RAPGEF2: variants seen among roughly 807,000 people sequenced by gnomAD.
RAPGEF2 encodes the protein PDZ domain containing guanine nucleotide exchange factor (GEF) 1.
RAPGEF2 carries 54 observed loss-of-function variants against 186.7 expected under a neutral mutation model. That is an observed-to-expected ratio of 0.29 (90% CI 0.23 to 0.36). The LOEUF (loss-of-function observed/expected upper bound fraction) is 0.36, where lower values mean the gene tolerates loss of function less well. RAPGEF2 is among the 10% of genes least tolerant of loss of function. The pLI is 1.00. For synonymous variants in RAPGEF2, 712 were observed against 705.9 expected, an observed-to-expected ratio of 1.01 and a Z score of -0.14; for missense variants, 1,532 against 2,045.0, an observed-to-expected ratio of 0.75 and a Z score of 4.84.
intron 1 of RAPGEF2, among the ~76,000 whole-genome samples, chr4:159,117,634 C>G (rs768641310): frequency 6.6e-6 from 1 of 151,386 alleles, no homozygotes; most frequent in African/African-American, 2.4e-5. Flanking sequence ...TAATTGTATG[C>G]ATAGAATACT....
At position 159,104,110 on chromosome 4, in the gene RAPGEF2, G is replaced by C. The variant is rs955977733; in HGVS notation, c.-53G>C. 3.5e-5 allele frequency: 45 copies of C among 1,293,284 alleles called. No homozygotes were observed. The Admixed American group carries it at 7.3e-4, about 21-fold the overall frequency. 80.1% of individuals were successfully genotyped at this position (1,293,284 alleles called of 1,614,324 possible). A position where few individuals can be genotyped will look rare whatever the true frequency, so the allele number is the denominator to read the frequency against. ...GCGGAGGCAGCAGCGGCGCTGGGCC[G>C]GGAGGAGGCCGGCCAGGGTGCGGAG... On this transcript the variant is annotated 5_prime_UTR_variant, in exon 1 of 30. Transcript: ENST00000691494.
chr4:159,338,748 C>G (rs1579999706), intron 18 of RAPGEF2, among the ~76,000 whole-genome samples: 1 of 152,326 alleles, frequency 6.6e-6, no homozygotes, highest in African/African-American at 2.4e-5. Context: ...ATTACTAAAT[C>G]ATATCAAATA....
intron 3 of RAPGEF2, 71 bp from the exon 4 acceptor site, chr4:159,210,429 T>C: frequency 1.0e-6 from 1 of 1,000,306 alleles, no homozygotes; most frequent in Non-Finnish European, 1.5e-6. Flanking sequence ...CTGCACTTTG[T>C]GCTATATGTT....
Position 159,210,528 on chromosome 4 carries a change from A to G in RAPGEF2, c.226A>G (p.Ile76Val). 1 of 1,534,908 alleles carries G rather than the reference A, an allele frequency of 6.5e-7. No individual in the cohort carries two copies. The highest frequency in any genetic ancestry group is 8.7e-7 in the Non-Finnish European group (1 of 1,145,946). Residue 76 changes from isoleucine to valine, a missense_variant, in exon 4 of 30, where the codon ATC (isoleucine) becomes GTC (valine). Ile to Val is a conservative substitution (Grantham distance 29). Transcript: ENST00000691494. ...TGATGATATTGGGACCTGCTGGTATATCCTTCTTTCTGGTTCCGTGTTCAT... is the reference window on the plus strand; with the variant it reads ...TGATGATATTGGGACCTGCTGGTATGTCCTTCTTTCTGGTTCCGTGTTCAT... ...YPDDIGTCWY[I>V]LLSGSVFIKE... is the part of the protein sequence containing the mutation.
chr4:159,344,016 T>G lies in RAPGEF2; in HGVS notation c.3255-20T>G. The G allele has an allele frequency of 6.5e-7, 1 of 1,530,684 alleles. No homozygotes were observed. The allele number at this position is 1,530,684 out of a possible 1,614,324, so 94.8% of individuals were successfully genotyped here. ...CTCTTTCTACACCCATGCTTCAATC[T>G]CCATGGCTCTCACTTACAGGAAGAA... On this transcript the variant is annotated intron_variant, in intron 22 of 29. Transcript: ENST00000691494.
intron 3 of RAPGEF2, among the ~76,000 whole-genome samples, chr4:159,202,684 C>T (rs978026378): frequency 1.3e-5 from 2 of 152,204 alleles, no homozygotes; most frequent in African/African-American, 4.8e-5. Context: ...CCACTGCAAC[C>T]TCCGCCTCCT....
Position 159,339,109 on chromosome 4 carries a change from C to T in RAPGEF2, c.2294-5C>T. 6.2e-7 allele frequency: 1 copy of T among 1,610,074 alleles called. No homozygotes were observed. The highest frequency in any genetic ancestry group is 8.5e-7 in the Non-Finnish European group (1 of 1,177,134). ...ACTTATGTGTGTGATTTTTCTTTCC[C>T]CCAGACTTGCCAGATCAAGTGCTAA... On this transcript the variant is annotated splice_region_variant and splice_polypyrimidine_tract_variant and intron_variant, in intron 18 of 29. Coordinates refer to ENST00000691494, the MANE Select transcript of RAPGEF2 (RefSeq NM_001394067.2).
At chr4:159,114,812 T>C (rs1038422965) in intron 1 of RAPGEF2, among the ~76,000 whole-genome samples, 1 of 152,180 alleles carries the variant, frequency 6.6e-6, no homozygotes. Context: ...TTAAAAATTC[T>C]TTAAATGGTT....
At chr4:159,283,109 C>CA (rs1441764021) in intron 7 of RAPGEF2, among the ~76,000 whole-genome samples, 1 of 152,140 alleles carries the variant, frequency 6.6e-6, no homozygotes, top group East Asian at 1.9e-4. Context: ...ACTGGGAAAA[C>CA]AAGCTCTTAA....
At chr4:159,169,874 A>G (rs1395264689) in intron 1 of RAPGEF2, among the ~76,000 whole-genome samples, 2 of 152,162 alleles carry the variant, frequency 1.3e-5, no homozygotes, top group Non-Finnish European at 2.9e-5. Flanking sequence ...GGTGCAGTGA[A>G]CATGGGAGTG....
At chr4:159,310,615 G>A (rs1384983691) in intron 8 of RAPGEF2, among the ~76,000 whole-genome samples, 1 of 151,462 alleles carries the variant, frequency 6.6e-6, no homozygotes, top group Admixed American at 6.6e-5. Flanking sequence ...TTTCAGCATT[G>A]ATCTGAGAAT....
At chr4:159,213,781 TA>T in intron 4 of RAPGEF2, among the ~76,000 whole-genome samples, 1 of 152,262 alleles carries the variant, frequency 6.6e-6, no homozygotes, top group Admixed American at 6.5e-5. Flanking sequence ...TTGTAGAGCT[TA>T]TGAATTCCTA....
chr4:159,304,256 A>T, intron 7 of RAPGEF2, 86 bp from the exon 8 acceptor site: 1 of 1,277,932 alleles, frequency 7.8e-7, no homozygotes, highest in Non-Finnish European at 1.1e-6. Flanking sequence ...ATGGTATAGA[A>T]TAAAATATGA....
At chr4:159,238,782 A>G in intron 4 of RAPGEF2, 27 bp from the exon 5 acceptor site, 1 of 1,496,596 alleles carries the variant, frequency 6.7e-7, no homozygotes, top group Non-Finnish European at 8.9e-7. Context: ...GGTTCTCCTC[A>G]TTGATTTTTT....
At chr4:159,169,434 T>C (rs1030534357) in intron 1 of RAPGEF2, among the ~76,000 whole-genome samples, 3 of 152,236 alleles carry the variant, frequency 2.0e-5, no homozygotes, top group African/African-American at 7.2e-5. Flanking sequence ...CCTCAACTTA[T>C]TTTTTGTGGT....
rs1397697487 is a variant in RAPGEF2, at chr4:159,358,390, G to C, written c.*251G>C. On this transcript the variant is annotated 3_prime_UTR_variant, in exon 30 of 30. Coordinates refer to ENST00000691494, the MANE Select transcript of RAPGEF2 (RefSeq NM_001394067.2). ...AAATGCACAGTGCAGCAATCTTCGA[G>C]CTCCCACTGTTGCTGCCTGCCACAT... is the stretch of plus-strand genomic sequence containing the variant. 3 of 423,190 alleles carry C rather than the reference G, an allele frequency of 7.1e-6. No individual in the cohort carries two copies. Among genetic ancestry groups the C allele is most frequent in the Non-Finnish European group, 1.2e-5 (3 of 240,720 alleles). 26.2% of individuals were successfully genotyped at this position (423,190 alleles called of 1,614,324 possible).
Position 159,192,939 on chromosome 4 carries a change from A to G in RAPGEF2, c.141-261A>G, listed in dbSNP as rs192797167. Among the ~76,000 whole-genome samples the G allele has an allele frequency of 2.2e-3, 332 of 152,290 alleles. 2 individuals carry two copies. Among genetic ancestry groups the G allele is most frequent in the African/African-American group, 7.4e-3 (307 of 41,568 alleles). On this transcript the variant is annotated intron_variant, in intron 2 of 29. Transcript: ENST00000691494. ...ATTTACAAAATAGAAAATACACACA[A>G]TGTTCTTCCCCATAAAATAAACATG...
At chr4:159,192,908 C>T (rs1369182842) in intron 2 of RAPGEF2, among the ~76,000 whole-genome samples, 1 of 152,156 alleles carries the variant, frequency 6.6e-6, no homozygotes, top group Non-Finnish European at 1.5e-5. Flanking sequence ...AATTTGTCCA[C>T]ATGCCATTTA....
Position 159,331,431 on chromosome 4 carries a change from G to T in RAPGEF2, c.1468G>T (p.Val490Phe). 6.3e-7 allele frequency: 1 copy of T among 1,577,028 alleles called. No homozygotes were observed. Among genetic ancestry groups the T allele is most frequent in the Non-Finnish European group, 8.7e-7 (1 of 1,155,080 alleles). ...TTATTGAAAATAATTGACTTTTCAG[G>T]TTACACGGGTAGTATTATTGTGGGT... is the stretch of plus-strand genomic sequence containing the variant. ...WFNDPSLRDKVTRVVLLWVNN... is the reference protein window; with the variant it reads ...WFNDPSLRDKFTRVVLLWVNN... Residue 490 changes from valine to phenylalanine, a missense_variant and splice_region_variant, in exon 14 of 30, where the codon GTT becomes TTT. Val to Phe is a conservative substitution (Grantham distance 50). Coordinates refer to ENST00000691494, the MANE Select transcript of RAPGEF2 (RefSeq NM_001394067.2).
Sources: gnomAD v4.1 joint callset for allele counts (sites outside exome capture counted in the v4.1 genomes callset) on GRCh38, gnomAD v4.1.1 for gene constraint, MANE v1.5 for transcripts, NCBI Gene and HGNC (gene_info 2026-07-23, HGNC 2026-07-21) for gene names.